The following SRGAP2 variants were observed in gnomAD, a reference collection of about 807,000 sequenced individuals.
SRGAP2 encodes the protein SLIT-ROBO Rho GTPase-activating protein 2.
In SRGAP2, 15 loss-of-function variants were observed where a neutral mutation model predicts 57.2. That is an observed-to-expected ratio of 0.26 (90% CI 0.18 to 0.40). The LOEUF (loss-of-function observed/expected upper bound fraction) is 0.40. Ranked by LOEUF, SRGAP2 falls within the 10% of genes least tolerant of loss-of-function variation. The pLI is 1.00. For missense variants in SRGAP2, 520 were observed against 669.6 expected (o/e 0.78, Z 2.47); for synonymous variants, 249 against 248.0 (o/e 1.00, Z -0.04).
At chr1:206,354,884 CTCTAT>C (rs1676321585) in intron 4 of SRGAP2, among the ~76,000 whole-genome samples, 1 of 148,208 alleles carries the variant, frequency 6.7e-6, no homozygotes, top group Admixed American at 6.9e-5. Context: ...CCTTCCTTTT[CTCTAT>C]TCTTTTGAAT....
intron 2 of SRGAP2, among the ~76,000 whole-genome samples, chr1:206,256,218 A>G (rs1364256238): frequency 6.6e-6 from 1 of 152,014 alleles, no homozygotes. Flanking sequence ...TACCCCACCC[A>G]AGAAGGAGAG....
chr1:206,253,556 TTC>T (rs1553311489), intron 2 of SRGAP2, among the ~76,000 whole-genome samples: 1 of 149,602 alleles, frequency 6.7e-6, no homozygotes, highest in African/African-American at 2.5e-5. Context: ...CTCTCTTTCT[TTC>T]TCTTTTCTTT....
At chr1:206,411,392 G>T (rs868972038) in intron 10 of SRGAP2, among the ~76,000 whole-genome samples, 2 of 152,330 alleles carry the variant, frequency 1.3e-5, no homozygotes, top group South Asian at 4.1e-4. Flanking sequence ...GTATTCTCTT[G>T]CAGGCCCTTG....
Position 206,453,189 on chromosome 1 carries a change from A to C in SRGAP2, c.2180-11A>C. The C allele has an allele frequency of 2.0e-6, 1 of 491,490 alleles. No homozygotes were observed. Among genetic ancestry groups the C allele is most frequent in the Non-Finnish European group, 3.8e-6 (1 of 261,466 alleles). 30.4% of individuals were successfully genotyped at this position (491,490 alleles called of 1,614,324 possible). ...AAGAACATGTGTTTACTTCTTTTCC[A>C]CCCTTCTCAGAATGTGAGCCCATCG... On this transcript the variant is annotated splice_polypyrimidine_tract_variant and intron_variant, in intron 19 of 22. Coordinates refer to ENST00000573034, the MANE Select transcript of SRGAP2 (RefSeq NM_015326.5).
chr1:206,291,735 T>G (rs1374044828), intron 2 of SRGAP2, among the ~76,000 whole-genome samples: 1 of 149,420 alleles, frequency 6.7e-6, no homozygotes, highest in East Asian at 1.9e-4. Flanking sequence ...TGTGTCTGCC[T>G]ATAACTTTTG....
At chr1:206,416,666 T>C (rs1659727659) in intron 11 of SRGAP2, among the ~76,000 whole-genome samples, 1 of 152,202 alleles carries the variant, frequency 6.6e-6, no homozygotes, top group Admixed American at 6.5e-5. Context: ...AAAGAGAAGC[T>C]TCCCCAGGGT....
chr1:206,414,105 C>T (rs897764180), intron 10 of SRGAP2, among the ~76,000 whole-genome samples: 2 of 148,830 alleles, frequency 1.3e-5, no homozygotes, highest in African/African-American at 2.5e-5. Context: ...AATCTTGGCT[C>T]GCTGCAAGCT....
At chr1:206,342,012 A>G (rs1440142500) in intron 3 of SRGAP2, among the ~76,000 whole-genome samples, 8 of 152,084 alleles carry the variant, frequency 5.3e-5, no homozygotes, top group Non-Finnish European at 4.4e-5. Flanking sequence ...AAAAAAGGGA[A>G]TGAGCGCCTT....
intron 2 of SRGAP2, among the ~76,000 whole-genome samples, chr1:206,253,569 CTTTCTTTTTTTT>C (rs1668975705): frequency 8.0e-6 from 1 of 124,664 alleles, no homozygotes; most frequent in South Asian, 3.1e-4. Context: ...TCTTTTCTTT[CTTTCTTTTTTTT>C]TTTTTTTTTT....
At chr1:206,385,945 A>C (rs1553348346) in intron 5 of SRGAP2, among the ~76,000 whole-genome samples, 2 of 152,244 alleles carry the variant, frequency 1.3e-5, no homozygotes, top group African/African-American at 4.8e-5. Flanking sequence ...CAAAATTAAA[A>C]TGTGATGTTT....
chr1:206,238,737 A>C (rs1454441492), intron 2 of SRGAP2, among the ~76,000 whole-genome samples: 2 of 152,064 alleles, frequency 1.3e-5, no homozygotes, highest in Non-Finnish European at 2.9e-5. Flanking sequence ...GGCATTGGGC[A>C]GAGTGTTTGA....
At chr1:206,375,202 C>T (rs1655090664) in intron 4 of SRGAP2, among the ~76,000 whole-genome samples, 1 of 151,784 alleles carries the variant, frequency 6.6e-6, no homozygotes, top group East Asian at 1.9e-4. Context: ...GATTGTTTTT[C>T]CTCCTTAGTT....
At chr1:206,220,875 G>A (rs1237254491) in intron 2 of SRGAP2, among the ~76,000 whole-genome samples, 2 of 150,878 alleles carry the variant, frequency 1.3e-5, no homozygotes, top group East Asian at 1.9e-4. Flanking sequence ...GGGACACTTT[G>A]TATTGAACAA....
chr1:206,410,608 G>A (rs1279814592), intron 10 of SRGAP2, among the ~76,000 whole-genome samples: 2 of 152,108 alleles, frequency 1.3e-5, no homozygotes, highest in African/African-American at 4.8e-5. Flanking sequence ...CATTAGAAAT[G>A]TAATGAAAGA....
At chr1:206,426,740 A>T (rs1311296362) in intron 13 of SRGAP2, among the ~76,000 whole-genome samples, 1 of 152,138 alleles carries the variant, frequency 6.6e-6, no homozygotes, top group Non-Finnish European at 1.5e-5. Flanking sequence ...TTTTTCACAT[A>T]CCTGTTGGCC....
At chr1:206,314,117 T>C (rs1431801377) in intron 3 of SRGAP2, among the ~76,000 whole-genome samples, 1 of 131,820 alleles carries the variant, frequency 7.6e-6, no homozygotes, top group Non-Finnish European at 1.7e-5. Context: ...TTTTTTTTTT[T>C]TGTTGTTGTT....
Position 206,438,236 on chromosome 1 carries a change from G to A in SRGAP2, c.1768+138G>A, listed in dbSNP as rs782438546. The stretch of plus-strand genomic sequence containing the variant: ...TTTTCCCCAGTGAAATTTCTCCTCA[G>A]CCTCACTCCTTCATCCCCTGGTGGG... On this transcript the variant is annotated intron_variant, in intron 16 of 22. Coordinates refer to ENST00000573034, the MANE Select transcript of SRGAP2 (RefSeq NM_015326.5). The A allele has an allele frequency of 1.5e-5, 9 of 615,940 alleles. No homozygotes were observed. The South Asian group carries it at 1.8e-4, about 12-fold the overall frequency. The allele number at this position is 615,940 out of a possible 1,614,324, so 38.2% of individuals were successfully genotyped here. A position where few individuals can be genotyped will look rare whatever the true frequency, so the allele number is the denominator to read the frequency against.
intron 2 of SRGAP2, among the ~76,000 whole-genome samples, chr1:206,247,548 C>T (rs1361107390): frequency 2.0e-5 from 3 of 152,124 alleles, no homozygotes; most frequent in African/African-American, 4.8e-5. Flanking sequence ...AGCCTCATAA[C>T]ATCCCTGTTA....
chr1:206,311,570 G>A (rs545276885), intron 3 of SRGAP2, among the ~76,000 whole-genome samples: 1 of 152,242 alleles, frequency 6.6e-6, no homozygotes, highest in Admixed American at 6.5e-5. Context: ...GAGAACAAAG[G>A]CTGATGGATA....
Sources: allele counts gnomAD v4.1 joint callset (sites outside exome capture counted in the v4.1 genomes callset), GRCh38; gene constraint gnomAD v4.1.1; transcripts MANE v1.5; gene names NCBI Gene and HGNC (gene_info 2026-07-23, HGNC 2026-07-21).